NEDD4L: variants seen among roughly 807,000 people sequenced by gnomAD.
The protein encoded by NEDD4L is NEDD4 like E3 ubiquitin protein ligase.
A neutral mutation model predicts 148.9 loss-of-function variants in NEDD4L; 54 were observed. The ratio of observed to expected loss-of-function variants is 0.36; its 90% confidence interval spans 0.29 to 0.45. The LOEUF (loss-of-function observed/expected upper bound fraction) is 0.45, where lower values mean the gene tolerates loss of function less well. Among genes scored for constraint, NEDD4L ranks in the 20% least tolerant of loss-of-function variants. The probability of loss-of-function intolerance (pLI) is 1.00; values close to 1 mark genes in which losing one functional copy is unlikely to be tolerated. For synonymous variants in NEDD4L, 433 were observed against 440.7 expected, an observed-to-expected ratio of 0.98 and a Z score of 0.22; for missense variants, 856 against 1,233.8, an observed-to-expected ratio of 0.69 and a Z score of 4.59.
At chr18:58,325,251 A>G (rs1205692954) in intron 9 of NEDD4L, 89 bp downstream of exon 9, 3 of 1,461,590 alleles carry the variant, frequency 2.1e-6, no homozygotes. Context: ...AGGCTGGGAA[A>G]TAAATCATAT....
intron 2 of NEDD4L, among the ~76,000 whole-genome samples, chr18:58,176,125 A>G (rs749960380): frequency 6.6e-6 from 1 of 152,186 alleles, no homozygotes; most frequent in Non-Finnish European, 1.5e-5. Flanking sequence ...ACATTTCCAC[A>G]TAAGCTTTTT....
Position 58,182,265 on chromosome 18 carries a change from C to G in NEDD4L, c.122+16404C>G, listed in dbSNP as rs1276581673. Among the ~76,000 whole-genome samples the G allele has an allele frequency of 3.3e-5, 5 of 152,206 alleles. No homozygotes were observed. In the East Asian group the frequency reaches 9.7e-4, roughly 29 times the overall value. ...AATGCGGGGCGGGGGGTGAATGCATCTGCTCATTTTGTAATAAAGTCCTTC... is the reference window on the plus strand; with the variant it reads ...AATGCGGGGCGGGGGGTGAATGCATGTGCTCATTTTGTAATAAAGTCCTTC... On this transcript the variant is annotated intron_variant, in intron 2 of 30. Coordinates refer to ENST00000400345, the MANE Select transcript of NEDD4L (RefSeq NM_001144967.3).
In NEDD4L at chr18:58,397,323, G is replaced by A. The variant is rs2050558791; in HGVS notation, c.*1054G>A. ...TGCACCAATTCTGAAGGCACTTTAT[G>A]TACTACATGGAGGTCATATCTGGTT... On this transcript the variant is annotated 3_prime_UTR_variant, in exon 31 of 31. Coordinates refer to ENST00000400345, the MANE Select transcript of NEDD4L (RefSeq NM_001144967.3). The A allele has an allele frequency of 6.6e-6, 1 of 152,590 alleles. No individual in the cohort carries two copies. The highest frequency in any genetic ancestry group is 6.5e-5 in the Admixed American group (1 of 15,276). 9.5% of individuals were successfully genotyped at this position (152,590 alleles called of 1,614,324 possible). A position where few individuals can be genotyped will look rare whatever the true frequency, so the allele number is the denominator to read the frequency against.
intron 19 of NEDD4L, among the ~76,000 whole-genome samples, chr18:58,363,868 A>C (rs1002833423): frequency 2.6e-5 from 4 of 152,250 alleles, no homozygotes; most frequent in Non-Finnish European, 5.9e-5. Context: ...ACTTTTCAAA[A>C]TGCCAACGTA....
In NEDD4L at chr18:58,364,309, C is replaced by T. The variant is rs1418608952; in HGVS notation, c.1809C>T (p.Tyr603=). 3 of 1,561,788 alleles carry T rather than the reference C, an allele frequency of 1.9e-6. No individual in the cohort carries two copies. The highest frequency in any genetic ancestry group is 2.7e-5 in the African/African-American group (2 of 73,568). Residue 603 remains tyrosine (Y), a synonymous_variant, in exon 20 of 31, where the codon TAC becomes TAT. Transcript: ENST00000400345. The stretch of plus-strand genomic sequence containing the variant: ...GAGAATTTAAGCAGAAATATGACTA[C>T]TTCAGGAAGAAATTAAAGAAACCTG... ...YSREFKQKYD[Y]FRKKLKKPAD...
chr18:58,124,648 C>T (rs76598128), intron 1 of NEDD4L, among the ~76,000 whole-genome samples: 4,017 of 152,274 alleles, frequency 0.026, 184 homozygotes, highest in African/African-American at 0.092. Context: ...CACATGGAGC[C>T]GCTGCTCTTC....
chr18:58,063,949 CTTTTTTTT>C (rs58608106), intron 1 of NEDD4L, among the ~76,000 whole-genome samples: 1 of 129,828 alleles, frequency 7.7e-6, no homozygotes, highest in Non-Finnish European at 1.6e-5. Context: ...TATAATGTTT[CTTTTTTTT>C]TTTTTTTTTT....
Position 58,348,326 on chromosome 18 carries a change from C to CTTTTTTTTTTTTTTTTTTTTT in NEDD4L, c.1576-1208_1576-1188dup, listed in dbSNP as rs771263533. ...CACTGCATTTCTTTTTCTTTTTTTT[C>CTTTTTTTTTTTTTTTTTTTTT]TTTTTTTTTTTTTTTTTTTTTTTGA... On this transcript the variant is annotated intron_variant, in intron 16 of 30. Transcript: ENST00000400345. Among the ~76,000 whole-genome samples the CTTTTTTTTTTTTTTTTTTTTT allele has an allele frequency of 5.3e-4, 47 of 88,648 alleles. 1 individual carries two copies. Among genetic ancestry groups the CTTTTTTTTTTTTTTTTTTTTT allele is most frequent in the African/African-American group, 1.9e-3 (35 of 18,526 alleles). The allele number at this position is 88,648 out of a possible 152,430, so 58.2% of individuals were successfully genotyped here.
chr18:58,355,339 C>T (rs2044462455), intron 18 of NEDD4L, among the ~76,000 whole-genome samples: 1 of 152,166 alleles, frequency 6.6e-6, no homozygotes, highest in South Asian at 2.1e-4. Context: ...TGATACTGCA[C>T]ATTGGAATGT....
intron 27 of NEDD4L, chr18:58,387,876 G>A (rs2049258057): frequency 1.2e-5 from 2 of 165,758 alleles, no homozygotes; most frequent in Non-Finnish European, 2.6e-5. Flanking sequence ...CCTCTGGACA[G>A]CAGAAACCTG....
At chr18:58,111,792 C>A (rs1440433689) in intron 1 of NEDD4L, among the ~76,000 whole-genome samples, 1 of 152,146 alleles carries the variant, frequency 6.6e-6, no homozygotes, top group Non-Finnish European at 1.5e-5. Context: ...CTATGTAGTA[C>A]ATTCTTGTAC....
intron 1 of NEDD4L, among the ~76,000 whole-genome samples, chr18:58,082,485 C>A (rs1355476448): frequency 6.6e-6 from 1 of 151,406 alleles, no homozygotes; most frequent in African/African-American, 2.4e-5. Flanking sequence ...TAAAAAAAAG[C>A]TTTGGGCTGG....
At chr18:58,183,672 G>A (rs146971121) in intron 2 of NEDD4L, among the ~76,000 whole-genome samples, 89 of 152,250 alleles carry the variant, frequency 5.8e-4, no homozygotes, top group African/African-American at 1.8e-3. Flanking sequence ...TAGCTTTTTC[G>A]TGCACTTGTG....
intron 5 of NEDD4L, among the ~76,000 whole-genome samples, chr18:58,277,323 G>A (rs185838005): frequency 1.9e-4 from 29 of 152,262 alleles, no homozygotes; most frequent in African/African-American, 6.3e-4. Flanking sequence ...TAATCCCCGA[G>A]GCAGCAGAGA....
At position 58,400,878 on chromosome 18, in the gene NEDD4L, T is replaced by G. The variant is rs1242162219; in HGVS notation, c.*4609T>G. 6.6e-6 allele frequency: 1 copy of G among 152,202 alleles called. No homozygotes were observed. The highest frequency in any genetic ancestry group is 1.5e-5 in the Non-Finnish European group (1 of 68,048). 9.4% of individuals were successfully genotyped at this position (152,202 alleles called of 1,614,324 possible). ...TAACTTTGCGTGACTTTGTTCTTCC[T>G]TTACTACTCTGTATGTAATATATAT... On this transcript the variant is annotated 3_prime_UTR_variant, in exon 31 of 31. Transcript: ENST00000400345.
intron 1 of NEDD4L, among the ~76,000 whole-genome samples, chr18:58,064,357 A>G (rs750970221): frequency 6.6e-6 from 1 of 152,224 alleles, no homozygotes; most frequent in Non-Finnish European, 1.5e-5. Context: ...CGTAACAAAC[A>G]TGCAAATTTG....
At chr18:58,106,005 C>T (rs571410400) in intron 1 of NEDD4L, among the ~76,000 whole-genome samples, 2 of 152,356 alleles carry the variant, frequency 1.3e-5, no homozygotes, top group East Asian at 3.9e-4. Context: ...ATGATTACTG[C>T]ATCAGCTAGC....
At chr18:58,376,133 G>T (rs562010614) in intron 24 of NEDD4L, among the ~76,000 whole-genome samples, 1 of 152,274 alleles carries the variant, frequency 6.6e-6, no homozygotes, top group Non-Finnish European at 1.5e-5. Context: ...AGAAGCAAAT[G>T]ATCTGGGAAA....
chr18:58,323,150 G>T (rs996124367), intron 7 of NEDD4L, 82 bp from the exon 8 acceptor site: 9 of 794,152 alleles, frequency 1.1e-5, no homozygotes, highest in Non-Finnish European at 4.3e-6. Flanking sequence ...GTGCTGTGGT[G>T]GTTGGCTTTT....
Sources: gnomAD v4.1 joint callset for allele counts (sites outside exome capture counted in the v4.1 genomes callset) on GRCh38, gnomAD v4.1.1 for gene constraint, MANE v1.5 for transcripts, NCBI Gene and HGNC (gene_info 2026-07-23, HGNC 2026-07-21) for gene names.